Variants in GALNTL6 observed in about 807,000 individuals in gnomAD.
The protein encoded by GALNTL6 is polypeptide N-acetylgalactosaminyltransferase-like 6.
In GALNTL6, 46 loss-of-function variants were observed where a neutral mutation model predicts 73.7. The ratio of observed to expected loss-of-function variants is 0.62; its 90% CI spans 0.49 to 0.80. The LOEUF is 0.80. Ranked by LOEUF, GALNTL6 falls within the 30% of genes least tolerant of loss-of-function variation. The pLI is 0.00. For missense variants in GALNTL6, 604 were observed against 755.0 expected (o/e 0.80, Z 2.34); for synonymous variants, 259 against 263.7 (o/e 0.98, Z 0.17).
chr4:172,882,641 A>G (rs772442672), intron 7 of GALNTL6, 149 bp from the exon 8 acceptor site: 18 of 608,580 alleles, frequency 3.0e-5, no homozygotes, highest in Admixed American at 5.1e-5. Context: ...CCCAATGAGA[A>G]CCCTATATCC....
At chr4:172,402,798 T>G (rs777520614) in intron 5 of GALNTL6, among the ~76,000 whole-genome samples, 9 of 152,004 alleles carry the variant, frequency 5.9e-5, no homozygotes, top group Non-Finnish European at 8.8e-5. Flanking sequence ...ATATTCAAAA[T>G]AAGAGAAACG....
chr4:172,568,537 A>G lies in GALNTL6; in HGVS notation c.553+219848A>G, dbSNP rs1736642849. Among the ~76,000 whole-genome samples, 5 of 151,930 alleles carry G rather than the reference A, an allele frequency of 3.3e-5. 1 individual carries two copies. In the South Asian group the frequency reaches 1.0e-3, roughly 32 times the overall value. On this transcript the variant is annotated intron_variant, in intron 5 of 12. Transcript: ENST00000506823. ...TTTGGGAGGCCGAGGCGGGCGGATC[A>G]CGAGGTCAGGAGATTGAGACCATCC...
intron 2 of GALNTL6, among the ~76,000 whole-genome samples, chr4:172,060,491 T>A (rs904773841): frequency 6.6e-6 from 1 of 152,206 alleles, no homozygotes; most frequent in African/African-American, 2.4e-5. Context: ...ACATGTTCAG[T>A]TGATGATTTA....
intron 2 of GALNTL6, among the ~76,000 whole-genome samples, chr4:171,958,329 A>C (rs1739117500): frequency 6.6e-6 from 1 of 152,204 alleles, no homozygotes; most frequent in Non-Finnish European, 1.5e-5. Flanking sequence ...ACAAATACAC[A>C]AGTCTTTTTC....
At chr4:172,354,765 C>T (rs1193381797) in intron 5 of GALNTL6, among the ~76,000 whole-genome samples, 2 of 152,122 alleles carry the variant, frequency 1.3e-5, no homozygotes. Flanking sequence ...TTCTCTCCCT[C>T]TTACTTGTAA....
intron 2 of GALNTL6, among the ~76,000 whole-genome samples, chr4:172,096,066 T>TTC (rs1016972990): frequency 7.4e-6 from 1 of 134,520 alleles, no homozygotes; most frequent in Non-Finnish European, 1.6e-5. Context: ...TATTTTCGAT[T>TTC]TCTCTCTCTC....
intron 8 of GALNTL6, among the ~76,000 whole-genome samples, chr4:172,920,338 A>C (rs1390969087): frequency 6.6e-6 from 1 of 152,248 alleles, no homozygotes; most frequent in Non-Finnish European, 1.5e-5. Context: ...GCTTTGTGGA[A>C]GTGTATCTTC....
intron 5 of GALNTL6, among the ~76,000 whole-genome samples, chr4:172,744,840 C>CAT (rs1553983583): frequency 6.3e-4 from 94 of 149,368 alleles, no homozygotes; most frequent in African/African-American, 2.0e-3. Context: ...AGTGCGCGTG[C>CAT]GTGTGTGTGT....
At chr4:172,874,369 A>T (rs557284046) in intron 7 of GALNTL6, among the ~76,000 whole-genome samples, 1 of 152,322 alleles carries the variant, frequency 6.6e-6, no homozygotes, top group South Asian at 2.1e-4. Flanking sequence ...TGCAGAAGCT[A>T]AAGCCCAGTA....
chr4:172,745,445 G>A (rs2332552), intron 5 of GALNTL6, among the ~76,000 whole-genome samples: 48,890 of 143,822 alleles, frequency 0.34, 9,628 homozygotes, highest in African/African-American at 0.49. Context: ...ATATATATAT[G>A]TACACATAAC....
chr4:172,373,654 G>T (rs1376966798), intron 5 of GALNTL6, among the ~76,000 whole-genome samples: 1 of 152,036 alleles, frequency 6.6e-6, no homozygotes, highest in African/African-American at 2.4e-5. Flanking sequence ...CTTCAAGTAG[G>T]GGACAACAAA....
intron 7 of GALNTL6, among the ~76,000 whole-genome samples, chr4:172,875,142 G>A (rs899039985): frequency 2.0e-5 from 3 of 152,206 alleles, no homozygotes; most frequent in Admixed American, 1.3e-4. Flanking sequence ...ACACTGAAGC[G>A]CTGCTATCAC....
chr4:172,301,155 G>A (rs374286133), intron 3 of GALNTL6, among the ~76,000 whole-genome samples: 16 of 151,878 alleles, frequency 1.1e-4, no homozygotes, highest in South Asian at 2.1e-4. Flanking sequence ...CCAGTTGATC[G>A]AATTGGCTAC....
Position 171,906,743 on chromosome 4 carries a change from G to C in GALNTL6, c.138+92025G>C, listed in dbSNP as rs374523069. On this transcript the variant is annotated intron_variant, in intron 2 of 12. Coordinates refer to ENST00000506823, the MANE Select transcript of GALNTL6 (RefSeq NM_001034845.3). Reference sequence around the variant, plus strand: ...TGATGAACATTGATGCAAAAATCCTGAATAAAATACTGGCAAACCGAATCC... The same window carrying C: ...TGATGAACATTGATGCAAAAATCCTCAATAAAATACTGGCAAACCGAATCC... Among the ~76,000 whole-genome samples, 52 of 152,104 alleles carry C rather than the reference G, an allele frequency of 3.4e-4. 1 individual carries two copies. Among genetic ancestry groups the C allele is most frequent in the East Asian group, 1.4e-3 (7 of 5,168 alleles).
At chr4:172,404,406 A>G (rs1470407832) in intron 5 of GALNTL6, among the ~76,000 whole-genome samples, 2 of 152,092 alleles carry the variant, frequency 1.3e-5, no homozygotes, top group African/African-American at 2.4e-5. Context: ...TGAAGAGCTT[A>G]TACTCTGCTT....
chr4:171,900,557 A>G (rs529212228), intron 2 of GALNTL6, among the ~76,000 whole-genome samples: 1 of 151,008 alleles, frequency 6.6e-6, no homozygotes, highest in African/African-American at 2.4e-5. Flanking sequence ...TGACCTCGTG[A>G]TCCACCCACC....
At chr4:172,810,671 C>T (rs932026996) in intron 6 of GALNTL6, among the ~76,000 whole-genome samples, 2 of 152,190 alleles carry the variant, frequency 1.3e-5, no homozygotes, top group African/African-American at 4.8e-5. Context: ...ACACCCTCCA[C>T]CACATTGCCC....
chr4:172,658,589 A>G (rs1731209702), intron 5 of GALNTL6, among the ~76,000 whole-genome samples: 1 of 152,192 alleles, frequency 6.6e-6, no homozygotes, highest in Admixed American at 6.5e-5. Flanking sequence ...TGTCAAAGCC[A>G]GGAATGAAAT....
chr4:172,139,819 A>T (rs1249314819), intron 2 of GALNTL6, among the ~76,000 whole-genome samples: 1 of 152,142 alleles, frequency 6.6e-6, no homozygotes, highest in Non-Finnish European at 1.5e-5. Flanking sequence ...TTTTTTAAAA[A>T]CATTTCCAAG....
Sources: gnomAD v4.1 joint callset for allele counts (sites outside exome capture counted in the v4.1 genomes callset) on GRCh38, gnomAD v4.1.1 for gene constraint, MANE v1.5 for transcripts, NCBI Gene and HGNC (gene_info 2026-07-23, HGNC 2026-07-21) for gene names.